Variants in ZNF507 observed in about 807,000 individuals in gnomAD.
The protein encoded by ZNF507 is zinc finger protein 507.
ZNF507 carries 29 observed loss-of-function variants against 80.0 expected under a neutral mutation model. The ratio of observed to expected loss-of-function variants is 0.36; its 90% CI spans 0.27 to 0.49. The LOEUF is 0.49. Among genes scored for constraint, ZNF507 ranks in the 20% least tolerant of loss-of-function variants. The probability of loss-of-function intolerance (pLI) is 0.98; values close to 1 mark genes in which losing one functional copy is unlikely to be tolerated. For missense variants in ZNF507, 1,081 were observed against 1,152.2 expected, an observed-to-expected ratio of 0.94 and a Z score of 0.90; for synonymous variants, 462 against 422.5, an observed-to-expected ratio of 1.09 and a Z score of -1.15.
In ZNF507 at chr19:32,356,052, C is replaced by T. The variant is rs144992640; in HGVS notation, c.2128-564C>T. On this transcript the variant is annotated intron_variant, in intron 3 of 6. Transcript: ENST00000355898. ...CCCTTGAGTCTGAGGTTCACTGCTT[C>T]TCAGATTACACTCATGAAATTCCAA... Among the ~76,000 whole-genome samples, 614 of 152,258 alleles carry T rather than the reference C, an allele frequency of 4.0e-3. 6 individuals are homozygous for T. The highest frequency in any genetic ancestry group is 0.014 in the African/African-American group (567 of 41,550).
intron 2 of ZNF507, among the ~76,000 whole-genome samples, chr19:32,351,243 T>G (rs1967158861): frequency 6.6e-6 from 1 of 152,038 alleles, no homozygotes; most frequent in Non-Finnish European, 1.5e-5. Flanking sequence ...GGGCAGAGTA[T>G]TATTAGGAAG....
At chr19:32,349,228 A>G (rs559298588) in intron 2 of ZNF507, among the ~76,000 whole-genome samples, 7 of 152,308 alleles carry the variant, frequency 4.6e-5, no homozygotes, top group Admixed American at 3.9e-4. Context: ...CTGATCTGTC[A>G]TGGTTCTTCA....
chr19:32,363,303 C>G (rs1967354589), intron 5 of ZNF507, among the ~76,000 whole-genome samples: 1 of 152,184 alleles, frequency 6.6e-6, no homozygotes, highest in Admixed American at 6.5e-5. Flanking sequence ...AGCTACAAGG[C>G]CTTGTTGCAC....
At chr19:32,370,455 G>A (rs1967455284) in intron 5 of ZNF507, among the ~76,000 whole-genome samples, 1 of 152,132 alleles carries the variant, frequency 6.6e-6, no homozygotes, top group African/African-American at 2.4e-5. Context: ...TCATTTCCTA[G>A]TGGTTTTAAT....
At chr19:32,350,246 T>C (rs1048033197) in intron 2 of ZNF507, among the ~76,000 whole-genome samples, 3 of 151,830 alleles carry the variant, frequency 2.0e-5, no homozygotes, top group African/African-American at 7.3e-5. Context: ...GAGATTAACC[T>C]GTGCATTGAT....
intron 2 of ZNF507, among the ~76,000 whole-genome samples, chr19:32,347,807 A>G (rs1967115190): frequency 6.6e-6 from 1 of 152,180 alleles, no homozygotes; most frequent in Non-Finnish European, 1.5e-5. Flanking sequence ...AATATTGGTT[A>G]ATGTTAGTTA....
chr19:32,350,011 A>T (rs1355060819), intron 2 of ZNF507, among the ~76,000 whole-genome samples: 2 of 152,184 alleles, frequency 1.3e-5, no homozygotes, highest in Non-Finnish European at 2.9e-5. Context: ...ATCACTATTG[A>T]GCCACTGACA....
rs1568302926 is a variant in ZNF507 at position 32,353,763 on chromosome 19, G to C, written c.933G>C (p.Glu311Asp). 6.2e-7 allele frequency: 1 copy of C among 1,614,098 alleles called. No individual in the cohort carries two copies. Residue 311 changes from glutamate to aspartate, a missense_variant, in exon 3 of 7, where the codon GAG (glutamate) becomes GAC (aspartate). This residue lies in a region of ZNF507 where 614 missense variants were observed against 583.9 expected (regional missense o/e 1.05). Transcript: ENST00000355898. ...GVDAVVIAIG[E>D]SELSIHNGPS... Reference sequence around the variant, plus strand: ...ATGCAGTCGTCATTGCTATTGGAGAGAGTGAACTGAGTATCCACAATGGGC... The same window carrying C: ...ATGCAGTCGTCATTGCTATTGGAGACAGTGAACTGAGTATCCACAATGGGC...
At chr19:32,374,815 C>T (rs1021301637) in intron 5 of ZNF507, among the ~76,000 whole-genome samples, 1 of 152,246 alleles carries the variant, frequency 6.6e-6, no homozygotes, top group African/African-American at 2.4e-5. Context: ...GTCTGATTGT[C>T]CTAGCTGGTA....
At chr19:32,348,766 G>A (rs919868426) in intron 2 of ZNF507, among the ~76,000 whole-genome samples, 3 of 152,160 alleles carry the variant, frequency 2.0e-5, no homozygotes, top group Non-Finnish European at 2.9e-5. Flanking sequence ...TTTTGCTAAT[G>A]CCTGTCGTCT....
intron 3 of ZNF507, among the ~76,000 whole-genome samples, chr19:32,356,065 C>T (rs1190396483): frequency 6.6e-6 from 1 of 152,160 alleles, no homozygotes; most frequent in East Asian, 1.9e-4. Context: ...AGATTACACT[C>T]ATGAAATTCC....
At chr19:32,368,074 C>T (rs1382363090) in intron 5 of ZNF507, among the ~76,000 whole-genome samples, 5 of 152,170 alleles carry the variant, frequency 3.3e-5, no homozygotes, top group African/African-American at 1.2e-4. Flanking sequence ...ACTCTTGCTC[C>T]TAATAACTGT....
At chr19:32,373,375 A>G (rs1240255876) in intron 5 of ZNF507, among the ~76,000 whole-genome samples, 1 of 152,164 alleles carries the variant, frequency 6.6e-6, no homozygotes, top group Non-Finnish European at 1.5e-5. Context: ...GTAAATTCAG[A>G]TCATACCACA....
intron 5 of ZNF507, 114 bp from the exon 6 acceptor site, chr19:32,382,353 A>G (rs950883772): frequency 1.4e-5 from 18 of 1,286,890 alleles, no homozygotes; most frequent in Admixed American, 9.0e-5. Context: ...GTGAAATACG[A>G]TATGTCTAAT....
At chr19:32,351,752 G>A (rs924219073) in intron 2 of ZNF507, among the ~76,000 whole-genome samples, 2 of 151,998 alleles carry the variant, frequency 1.3e-5, no homozygotes, top group African/African-American at 4.8e-5. Flanking sequence ...TAAGATTCCA[G>A]AATGCACCTA....
chr19:32,371,152 T>C (rs1967464886), intron 5 of ZNF507, among the ~76,000 whole-genome samples: 1 of 152,112 alleles, frequency 6.6e-6, no homozygotes, highest in Non-Finnish European at 1.5e-5. Flanking sequence ...TTTTTCTGGG[T>C]ACTACATGTA....
At position 32,354,802 on chromosome 19, in the gene ZNF507, C is replaced by T; in HGVS notation, c.1972C>T (p.Gln658Ter). The T allele has an allele frequency of 1.2e-6, 2 of 1,614,194 alleles. No individual in the cohort carries two copies. Among genetic ancestry groups the T allele is most frequent in the Non-Finnish European group, 1.7e-6 (2 of 1,180,040 alleles). Residue 658 changes from glutamine to a stop codon, truncating the protein, a stop_gained, in exon 3 of 7, where the codon CAG (glutamine) becomes TAG (stop). Transcript: ENST00000355898. LOFTEE classifies it high-confidence loss of function. Reference protein sequence around the residue: ...YTSGNKGYIKQHLRVHRQRQP... With the variant: ...YTSGNKGYIK ...AAGTGGCAACAAGGGCTACATCAAG[C>T]AGCACTTACGAGTCCATCGACAGAG... is the stretch of plus-strand genomic sequence containing the variant.
chr19:32,352,905 TATC>T lies in ZNF507; in HGVS notation c.80_82del (p.Ile27del). 1 of 1,613,684 alleles carries T rather than the reference TATC, an allele frequency of 6.2e-7. No homozygotes were observed. The highest frequency in any genetic ancestry group is 8.5e-7 in the Non-Finnish European group (1 of 1,179,936). ...AGGAAGCTATACTGACTGCTGAAAG[TATC>T]ATCAGTCCTTCATTGGAAATTGATG... On this transcript the variant is annotated inframe_deletion, in exon 3 of 7. Transcript: ENST00000355898.
chr19:32,383,749 A>G lies in ZNF507; in HGVS notation c.*666A>G, dbSNP rs1967653786. ...ATTCAAGAAGTATTGTCTTAAATTTACGATGAATTTCTTGTGAGCAGAGGA... is the reference window on the plus strand; with the variant it reads ...ATTCAAGAAGTATTGTCTTAAATTTGCGATGAATTTCTTGTGAGCAGAGGA... On this transcript the variant is annotated 3_prime_UTR_variant, in exon 7 of 7. Coordinates refer to ENST00000355898, the MANE Select transcript of ZNF507 (RefSeq NM_001136156.2). 1 of 152,260 alleles carries G rather than the reference A, an allele frequency of 6.6e-6. No individual in the cohort carries two copies. 9.4% of individuals were successfully genotyped at this position (152,260 alleles called of 1,614,324 possible).
Sources: gnomAD v4.1 joint callset for allele counts (sites outside exome capture counted in the v4.1 genomes callset) on GRCh38, gnomAD v4.1.1 for gene constraint, gnomAD v4.1.1 regional missense constraint, MANE v1.5 for transcripts, NCBI Gene and HGNC (gene_info 2026-07-23, HGNC 2026-07-21) for gene names.